SMPD4: variants seen among roughly 807,000 people sequenced by gnomAD.
SMPD4 encodes the protein sphingomyelin phosphodiesterase 4, also known as neutral sphingomyelinase 3.
In SMPD4, 58 loss-of-function variants were observed where a neutral mutation model predicts 97.8. That is an observed-to-expected ratio of 0.59 (90% CI 0.48 to 0.74). The LOEUF is 0.74. Among genes scored for constraint, SMPD4 ranks in the 30% least tolerant of loss-of-function variants. The pLI is 0.00. For synonymous variants in SMPD4, 388 were observed against 450.0 expected, an observed-to-expected ratio of 0.86 and a Z score of 1.74; for missense variants, 853 against 1,080.5, an observed-to-expected ratio of 0.79 and a Z score of 2.95.
At chr2:130,156,185 C>T (rs193125137) in intron 13 of SMPD4, 50 bp from the exon 14 acceptor site, 34 of 1,531,616 alleles carry the variant, frequency 2.2e-5, no homozygotes, top group African/African-American at 5.4e-5. Context: ...GCCAAATACT[C>T]GGTGGCCTGG....
At chr2:130,179,055 G>T (rs1277034110) in intron 1 of SMPD4, among the ~76,000 whole-genome samples, 1 of 152,020 alleles carries the variant, frequency 6.6e-6, no homozygotes, top group African/African-American at 2.4e-5. Context: ...GTAGGCAGCT[G>T]TAGAGTGAGA....
At chr2:130,157,167 C>T (rs895024990) in intron 12 of SMPD4, 84 bp downstream of exon 12, 121 of 1,520,734 alleles carry the variant, frequency 8.0e-5, no homozygotes, top group Non-Finnish European at 9.8e-5. Context: ...CCTCCATGCC[C>T]TGGGGAGAGG....
rs956263423 is a variant in SMPD4 at position 130,174,981 on chromosome 2, G to A, written c.59C>T (p.Ser20Phe). The change falls in exon 3 of 20, where the codon TCT (serine) becomes TTT (phenylalanine). Residue 20 changes from serine (S) to phenylalanine (F), a missense_variant. Coordinates refer to ENST00000680298, the MANE Select transcript of SMPD4 (RefSeq NM_017951.5). ...SFLLASLKAD[S>F]INKPFAQQCQ... ...CTGCTGTGCAAAGGGCTTATTTATA[G>A]AGTCAGCTTTCAGGCTAGCCTAGAA... 1.9e-6 allele frequency: 3 copies of A among 1,607,592 alleles called. No individual in the cohort carries two copies. The highest frequency in any genetic ancestry group is 2.7e-5 in the African/African-American group (2 of 74,872).
At chr2:130,163,576 T>C (rs1305809027) in intron 10 of SMPD4, among the ~76,000 whole-genome samples, 1 of 152,234 alleles carries the variant, frequency 6.6e-6, no homozygotes, top group African/African-American at 2.4e-5. Flanking sequence ...TTCCCAAGCA[T>C]ACTGATGCAC....
In SMPD4 at chr2:130,167,583, C is replaced by T; in HGVS notation, c.667G>A (p.Ala223Thr). 1.9e-6 allele frequency: 3 copies of T among 1,606,502 alleles called. No homozygotes were observed. Among genetic ancestry groups the T allele is most frequent in the Non-Finnish European group, 2.6e-6 (3 of 1,174,822 alleles). ...AGGCCATAGGAAGCAAAGGGTATGG[C>T]TGGTGTCCTGAGGGAGACACAGAAA... ...TSPSPPPRTPAIPFASYGLHH... is the reference protein window; with the variant it reads ...TSPSPPPRTPTIPFASYGLHH... Residue 223 changes from alanine to threonine, a missense_variant, in exon 9 of 20, where the codon GCC becomes ACC. Physicochemically the swap from Ala to Thr is moderately conservative, Grantham distance 58 (BLOSUM62 0). Around this residue, in one of 3 missense-constraint regions of SMPD4, gnomAD observed 313 missense variants for 402.2 expected, o/e 0.78. Transcript: ENST00000680298.
rs1688048671 is a variant in SMPD4 at position 130,167,518 on chromosome 2, C to T, written c.732G>A (p.Gln244=). ...AGGCGGGGTCTGCATTCACAGACGT[C>T]TGATGAGAGATGTGTCGCTTTAGGA... ...TSLLKRHISH[Q]TSVNADPASH... Residue 244 remains glutamine, a synonymous_variant, in exon 9 of 20, where the codon CAG becomes CAA. Transcript: ENST00000680298. 2 of 1,613,848 alleles carry T rather than the reference C, an allele frequency of 1.2e-6. No individual in the cohort carries two copies. The highest frequency in any genetic ancestry group is 4.5e-5 in the East Asian group (2 of 44,866).
chr2:130,156,501 C>G, intron 13 of SMPD4, 84 bp downstream of exon 13: 1 of 1,334,856 alleles, frequency 7.5e-7, no homozygotes. Context: ...AACACTTGCT[C>G]TCCTCCTTTA....
At position 130,151,868 on chromosome 2, in the gene SMPD4, G is replaced by A. The variant is rs1339701512; in HGVS notation, c.*687C>T. ...CACCCATCTGTGACAAGGCACAGGG[G>A]TCCGCGATGTTGGCCACTGCTTTGG... is the stretch of plus-strand genomic sequence containing the variant. On this transcript the variant is annotated 3_prime_UTR_variant, in exon 20 of 20. Transcript: ENST00000680298. The A allele has an allele frequency of 6.6e-6, 1 of 152,310 alleles. No homozygotes were observed. The highest frequency in any genetic ancestry group is 1.9e-4 in the East Asian group (1 of 5,194). 9.4% of individuals were successfully genotyped at this position (152,310 alleles called of 1,614,324 possible). A position where few individuals can be genotyped will look rare whatever the true frequency, so the allele number is the denominator to read the frequency against.
chr2:130,164,810 A>C (rs1687767327), intron 9 of SMPD4, among the ~76,000 whole-genome samples: 1 of 152,162 alleles, frequency 6.6e-6, no homozygotes, highest in Non-Finnish European at 1.5e-5. Flanking sequence ...CTATAGATAG[A>C]GTAAAAAGGC....
At chr2:130,159,943 C>A (rs749233186) in intron 11 of SMPD4, among the ~76,000 whole-genome samples, 1 of 152,176 alleles carries the variant, frequency 6.6e-6, no homozygotes, top group Non-Finnish European at 1.5e-5. Context: ...CCGCCCCTGC[C>A]GCCGGCAGTC....
At chr2:130,172,314 T>C (rs1247723810) in intron 8 of SMPD4, 35 bp downstream of exon 8, 13 of 1,521,240 alleles carry the variant, frequency 8.5e-6, no homozygotes, top group Non-Finnish European at 1.1e-5. Flanking sequence ...CACTCCCTTA[T>C]GGAAGGGCCA....
intron 8 of SMPD4, among the ~76,000 whole-genome samples, chr2:130,170,474 A>AAAAAAAAAAAAAAAT (rs1688347463): frequency 6.6e-6 from 1 of 150,468 alleles, no homozygotes; most frequent in Non-Finnish European, 1.5e-5. Flanking sequence ...AAAAAAAAAA[A>AAAAAAAAAAAAAAAT]GCACACAATG....
chr2:130,175,030 C>G (rs750652347), intron 2 of SMPD4, 30 bp from the exon 3 acceptor site: 2 of 1,516,018 alleles, frequency 1.3e-6, no homozygotes, highest in Non-Finnish European at 1.8e-6. Context: ...GAAAAAGTCA[C>G]GAGGACATTC....
chr2:130,163,601 C>A (rs1013324130), intron 10 of SMPD4, among the ~76,000 whole-genome samples: 6 of 152,256 alleles, frequency 3.9e-5, no homozygotes, highest in African/African-American at 1.4e-4. Context: ...GCCATGGGCA[C>A]CAGACTACGT....
In SMPD4 at chr2:130,154,165, G is replaced by A. The variant is rs545681992; in HGVS notation, c.1659+112C>T. ...CTAAAACGGGGGAAGGAGATATGGCGTCAAATCTATACCCAGCCTCCCTCC... is the reference window on the plus strand; with the variant it reads ...CTAAAACGGGGGAAGGAGATATGGCATCAAATCTATACCCAGCCTCCCTCC... On this transcript the variant is annotated intron_variant, in intron 16 of 19. Transcript: ENST00000680298. 724 of 1,327,222 alleles carry A rather than the reference G, an allele frequency of 5.5e-4. 5 individuals carry two copies. In the African/African-American group the frequency reaches 9.2e-3, roughly 17 times the overall value. The allele number at this position is 1,327,222 out of a possible 1,614,324, so 82.2% of individuals were successfully genotyped here.
intron 1 of SMPD4, 142 bp downstream of exon 1, chr2:130,181,388 C>T (rs1689609846): frequency 2.1e-5 from 31 of 1,457,880 alleles, no homozygotes; most frequent in Non-Finnish European, 2.6e-5. Context: ...GCCCTCCACT[C>T]CCCAGCCTGC....
chr2:130,172,949 T>A (rs565417709), intron 5 of SMPD4, 54 bp from the exon 6 acceptor site: 3 of 1,562,576 alleles, frequency 1.9e-6, no homozygotes, highest in East Asian at 4.8e-5. Flanking sequence ...TAGTGCCCGA[T>A]ACGCAGTACC....
In SMPD4 at chr2:130,172,859, G is replaced by A. The variant is rs1263396427; in HGVS notation, c.382C>T (p.Pro128Ser). 1 of 1,613,856 alleles carries A rather than the reference G, an allele frequency of 6.2e-7. No homozygotes were observed. The highest frequency in any genetic ancestry group is 1.7e-5 in the Admixed American group (1 of 59,980). The change falls in exon 6 of 20, where the codon CCT becomes TCT. Residue 128 changes from proline (P) to serine (S), a missense_variant. Transcript: ENST00000680298. ...TTGTTGTGGTACAGAGGACTGTCAG[G>A]GAGGATGCACTCCTGGATGGACGCC... is the stretch of plus-strand genomic sequence containing the variant. ...VKASIQECIL[P>S]DSPLYHNKVQ...
At chr2:130,162,380 G>GAAATCAGA (rs1314807830) in intron 10 of SMPD4, among the ~76,000 whole-genome samples, 2 of 152,270 alleles carry the variant, frequency 1.3e-5, no homozygotes, top group Non-Finnish European at 2.9e-5. Flanking sequence ...CCACACAGGA[G>GAAATCAGA]AAATCAGAAC....
Sources: gnomAD v4.1 joint callset for allele counts (sites outside exome capture counted in the v4.1 genomes callset) on GRCh38, gnomAD v4.1.1 for gene constraint, gnomAD v4.1.1 regional missense constraint, MANE v1.5 for transcripts, NCBI Gene and HGNC (gene_info 2026-07-23, HGNC 2026-07-21) for gene names.